The following MRPL38 variants were observed in gnomAD, a reference collection of about 807,000 sequenced individuals.
MRPL38 encodes the protein mitochondrial ribosomal protein L38.
Under a neutral mutation model 52.1 loss-of-function variants are expected in MRPL38, and 51 were observed. The observed-to-expected ratio is 0.98, with a 90% CI of 0.78 to 1.24. MRPL38 has a LOEUF of 1.24. MRPL38 is among the 50% of genes most tolerant of loss of function. The probability of loss-of-function intolerance (pLI) is 0.00; values close to 1 mark genes in which losing one functional copy is unlikely to be tolerated. For synonymous variants in MRPL38, 245 were observed against 212.7 expected, an observed-to-expected ratio of 1.15 and a Z score of -1.32; for missense variants, 527 against 518.6, an observed-to-expected ratio of 1.02 and a Z score of -0.16.
At chr17:75,899,028 C>A (rs371747301) in intron 8 of MRPL38, 42 bp from the exon 9 acceptor site, 6 of 1,550,498 alleles carry the variant, frequency 3.9e-6, no homozygotes, top group Non-Finnish European at 5.2e-6. Context: ...TGCTGGCCTG[C>A]GCCCCCTCAG....
chr17:75,899,437 T>A, intron 7 of MRPL38, 79 bp downstream of exon 7: 1 of 1,516,596 alleles, frequency 6.6e-7, no homozygotes, highest in Non-Finnish European at 8.9e-7. Flanking sequence ...AAGGCTGAGG[T>A]CAAGAGAGAA....
At chr17:75,903,723 CTT>C (rs745406432) in intron 2 of MRPL38, among the ~76,000 whole-genome samples, 4 of 144,106 alleles carry the variant, frequency 2.8e-5, no homozygotes, top group South Asian at 2.2e-4. Context: ...AGGTTGGGGT[CTT>C]TTTTTTTTTT....
In MRPL38 at chr17:75,898,791, GT is replaced by G; in HGVS notation, c.*58del. On this transcript the variant is annotated 3_prime_UTR_variant, in exon 9 of 9. Coordinates refer to ENST00000309352, the MANE Select transcript of MRPL38 (RefSeq NM_032478.4). ...CCCCACAGTGTGGGCCTCTGGAGCT[GT>G]GTCTTTACTCTTGCTGCCGATCAAT... The G allele has an allele frequency of 1.2e-6, 2 of 1,600,108 alleles. No homozygotes were observed. Among genetic ancestry groups the G allele is most frequent in the Non-Finnish European group, 1.7e-6 (2 of 1,173,912 alleles).
intron 8 of MRPL38, 81 bp downstream of exon 8, chr17:75,899,077 C>G: frequency 1.3e-6 from 2 of 1,537,602 alleles, no homozygotes; most frequent in Non-Finnish European, 1.8e-6. Context: ...GCAGCCTTCC[C>G]CTAACAAAGC....
chr17:75,903,844 G>T (rs560449721), intron 2 of MRPL38, among the ~76,000 whole-genome samples: 2 of 152,004 alleles, frequency 1.3e-5, no homozygotes, highest in African/African-American at 4.8e-5. Context: ...TCCTGCCTCA[G>T]AGGCCTCCCG....
At position 75,901,354 on chromosome 17, in the gene MRPL38, A is replaced by T; in HGVS notation, c.592-81T>A. 1 of 1,388,914 alleles carries T rather than the reference A, an allele frequency of 7.2e-7. No individual in the cohort carries two copies. The highest frequency in any genetic ancestry group is 1.0e-6 in the Non-Finnish European group (1 of 996,206). 86.0% of individuals were successfully genotyped at this position (1,388,914 alleles called of 1,614,324 possible). ...GGGAGCCTTGGAGAAAGGGGTGCCC[A>T]CTCTGACCCAAAAGCCCTTGACAAC... On this transcript the variant is annotated intron_variant, in intron 4 of 8. Coordinates refer to ENST00000309352, the MANE Select transcript of MRPL38 (RefSeq NM_032478.4). The surrounding 1 kb of genome is among the most constrained non-coding windows in gnomAD (Gnocchi z 5.7).
Position 75,898,679 on chromosome 17 carries a change from CCCA to C in MRPL38, c.*168_*170del, listed in dbSNP as rs1444397981. The C allele has an allele frequency of 2.8e-6, 2 of 705,036 alleles. No homozygotes were observed. The highest frequency in any genetic ancestry group is 3.6e-5 in the African/African-American group (2 of 55,840). 43.7% of individuals were successfully genotyped at this position (705,036 alleles called of 1,614,324 possible). The stretch of plus-strand genomic sequence containing the variant: ...AATCATGTTTATTCACATTCCCCAC[CCCA>C]CCACCTGAGAGTCACTTTCACTCCA... On this transcript the variant is annotated 3_prime_UTR_variant, in exon 9 of 9. Transcript: ENST00000309352.
chr17:75,902,204 C>T lies in MRPL38; in HGVS notation c.248-50G>A, dbSNP rs1188487120. The T allele has an allele frequency of 3.9e-6, 6 of 1,535,762 alleles. No homozygotes were observed. The African/African-American group carries it at 5.5e-5, about 14-fold the overall frequency. On this transcript the variant is annotated intron_variant, in intron 2 of 8. Coordinates refer to ENST00000309352, the MANE Select transcript of MRPL38 (RefSeq NM_032478.4). ...AAACAGGGTCATGACTCACTGCAGCCTTAACCTCCCCAACTCAGTCTCCTG... is the reference window on the plus strand; with the variant it reads ...AAACAGGGTCATGACTCACTGCAGCTTTAACCTCCCCAACTCAGTCTCCTG...
In MRPL38 at chr17:75,901,605, G is replaced by A; in HGVS notation, c.591+107C>T. ...TGGTGTCGTCTTCCAGGAAATCAAA[G>A]AGACAGAGAACAACAAAATTCCAAA... On this transcript the variant is annotated intron_variant, in intron 4 of 8. Transcript: ENST00000309352. This position sits in a 1 kb window ranked among gnomAD's most constrained non-coding sequence, Gnocchi z 5.7. The A allele has an allele frequency of 2.2e-6, 2 of 920,822 alleles. No individual in the cohort carries two copies. Among genetic ancestry groups the A allele is most frequent in the Non-Finnish European group, 3.4e-6 (2 of 580,472 alleles). The allele number at this position is 920,822 out of a possible 1,614,324, so 57.0% of individuals were successfully genotyped here.
At chr17:75,899,766 C>G (rs1379753789) in intron 6 of MRPL38, 92 bp from the exon 7 acceptor site, 1 of 1,148,668 alleles carries the variant, frequency 8.7e-7, no homozygotes, top group Admixed American at 3.4e-5. Context: ...GCTGACATGA[C>G]TCCCTGGGAG....
Position 75,901,729 on chromosome 17 carries a change from C to A in MRPL38, c.574G>T (p.Glu192Ter), listed in dbSNP as rs570656773. 1 of 1,613,820 alleles carries A rather than the reference C, an allele frequency of 6.2e-7. No homozygotes were observed. Among genetic ancestry groups the A allele is most frequent in the East Asian group, 2.2e-5 (1 of 44,872 alleles). ...GTGGTTACCTCGGTTGGAGTCACCT[C>A]ATTGCCACAGTACACAGGCATCAGG... ...DDLMPVYCGN[E>*]VTPTEAAQAP... is the part of the protein sequence containing the mutation. The change falls in exon 4 of 9, where the codon GAG becomes TAG. Residue 192 changes from glutamate (E) to a stop codon, truncating the protein, a stop_gained. Transcript: ENST00000309352. LOFTEE classifies it high-confidence loss of function. The surrounding 1 kb of genome is among the most constrained non-coding windows in gnomAD (Gnocchi z 5.7).
Position 75,901,208 on chromosome 17 carries a change from AG to A in MRPL38, c.656del (p.Thr219IlefsTer19). On this transcript the variant is annotated frameshift_variant, in exon 5 of 9. Coordinates refer to ENST00000309352, the MANE Select transcript of MRPL38 (RefSeq NM_032478.4). LOFTEE classifies it high-confidence loss of function. This position sits in a 1 kb window ranked among gnomAD's most constrained non-coding sequence, Gnocchi z 5.7. ...EEGSLWTLLL[T>X]SLDGHLLEPD... ...TGAGCCCCAGACACCCACCCAAGCT[AG>A]TGAGTAGCAACGTCCACAAGGAGCC... 6.2e-7 allele frequency: 1 copy of A among 1,613,598 alleles called. No individual in the cohort carries two copies. The highest frequency in any genetic ancestry group is 8.5e-7 in the Non-Finnish European group (1 of 1,179,824).
intron 2 of MRPL38, among the ~76,000 whole-genome samples, chr17:75,902,675 C>G (rs2065410258): frequency 6.6e-6 from 1 of 152,206 alleles, no homozygotes; most frequent in Admixed American, 6.5e-5. Flanking sequence ...CAGTCTACTT[C>G]CCAGACCTGA....
At chr17:75,904,509 G>T in intron 2 of MRPL38, 31 bp downstream of exon 2, 1 of 1,491,664 alleles carries the variant, frequency 6.7e-7, no homozygotes, top group Admixed American at 2.4e-5. Context: ...CCCGGGCGGT[G>T]GCTGCAGCCC....
chr17:75,904,770 G>GGGGGGCGCGGCCCCCCCC, intron 1 of MRPL38, 39 bp downstream of exon 1: 1 of 500,008 alleles, frequency 2.0e-6, no homozygotes, highest in Non-Finnish European at 2.8e-6. Flanking sequence ...TCGGGCGACA[G>GGGGGGCGCGGCCCCCCCC]CCCCCCCCCC....
rs2065422089 is a variant in MRPL38 at position 75,904,812 on chromosome 17, A to G, written c.64T>C (p.Ser22Pro). ...ECRRWRGFST[S>P]AVLGRRTPPL... Reference sequence around the variant, plus strand: ...CGCAGAGCTGCCCACCCCTCACCCGAGGTGCTGAAGCCCCGCCATCTCCGA... The same window carrying G: ...CGCAGAGCTGCCCACCCCTCACCCGGGGTGCTGAAGCCCCGCCATCTCCGA... Residue 22 changes from serine (S) to proline (P), a missense_variant, in exon 1 of 9, where the codon TCG (serine) becomes CCG (proline). By Grantham distance (74) the Ser-to-Pro change is moderately conservative. Transcript: ENST00000309352. 2 of 960,174 alleles carry G rather than the reference A, an allele frequency of 2.1e-6. No individual in the cohort carries two copies. Among genetic ancestry groups the G allele is most frequent in the Non-Finnish European group, 2.7e-6 (2 of 747,518 alleles). 59.5% of individuals were successfully genotyped at this position (960,174 alleles called of 1,614,324 possible).
At position 75,899,542 on chromosome 17, in the gene MRPL38, G is replaced by T. The variant is rs767075035; in HGVS notation, c.843C>A (p.Phe281Leu). 8.1e-6 allele frequency: 13 copies of T among 1,601,080 alleles called. No homozygotes were observed. The highest frequency in any genetic ancestry group is 1.1e-5 in the Non-Finnish European group (13 of 1,171,378). ...AGGGTGAGGGGCGTGCGTCCTCAGA[G>T]AAGTCAATCGGCTGGTCCTGCTTGA... ...LLFKQDQPIDFSEDARPSPCY... is the reference protein window; with the variant it reads ...LLFKQDQPIDLSEDARPSPCY... The change falls in exon 7 of 9, where the codon TTC becomes TTA. Residue 281 changes from phenylalanine to leucine, a missense_variant. Transcript: ENST00000309352.
rs1003576417 is a variant in MRPL38 at position 75,898,645 on chromosome 17, C to A, written c.*205G>T. On this transcript the variant is annotated 3_prime_UTR_variant, in exon 9 of 9. Transcript: ENST00000309352. ...GAATTACAGGTGTGAGCCACCAAGC[C>A]CGGCAAGAAATCATGTTTATTCACA... The A allele has an allele frequency of 2.0e-5, 12 of 599,948 alleles. No individual in the cohort carries two copies. Among genetic ancestry groups the A allele is most frequent in the Admixed American group, 1.5e-4 (5 of 32,750 alleles). The allele number at this position is 599,948 out of a possible 1,614,324, so 37.2% of individuals were successfully genotyped here.
rs771882051 is a variant in MRPL38, at chr17:75,902,115, T to C, written c.287A>G (p.Lys96Arg). ...EKIDIGLPPP[K>R]VSRTQQLLER... ...CAGTAGCTGTTGGGTCCGGGAGACT[T>C]TGGGTGGAGGCAGCCCAATATCAAT... The change falls in exon 3 of 9, where the codon AAA becomes AGA. Residue 96 changes from lysine (K) to arginine (R), a missense_variant. Physicochemically the swap from Lys to Arg is conservative, Grantham distance 26. Coordinates refer to ENST00000309352, the MANE Select transcript of MRPL38 (RefSeq NM_032478.4). The C allele has an allele frequency of 1.1e-5, 18 of 1,588,414 alleles. No individual in the cohort carries two copies. The highest frequency in any genetic ancestry group is 2.3e-5 in the East Asian group (1 of 43,506).
Sources: allele counts gnomAD v4.1 joint callset (sites outside exome capture counted in the v4.1 genomes callset), GRCh38; gene constraint gnomAD v4.1.1; non-coding constraint Gnocchi (gnomAD v3.1); transcripts MANE v1.5; gene names NCBI Gene and HGNC (gene_info 2026-07-23, HGNC 2026-07-21).